The following CACNA1H variants were observed in gnomAD, a reference collection of about 807,000 sequenced individuals.
CACNA1H encodes the protein voltage-dependent T-type calcium channel subunit alpha-1H.
Under a neutral mutation model 192.5 loss-of-function variants are expected in CACNA1H, and 149 were observed. The observed-to-expected ratio is 0.77, with a 90% CI of 0.68 to 0.89. The LOEUF (loss-of-function observed/expected upper bound fraction) is 0.89, where lower values mean the gene tolerates loss of function less well. Among genes scored for constraint, CACNA1H ranks in the 40% least tolerant of loss-of-function variants. The pLI is 0.00. For synonymous variants in CACNA1H, 2,202 were observed against 1,475.2 expected (o/e 1.49, Z -11.29); for missense variants, 4,257 against 3,423.5 (o/e 1.24, Z -6.08).
At chr16:1,162,947 G>T (rs1030079342) in intron 2 of CACNA1H, among the ~76,000 whole-genome samples, 1 of 152,240 alleles carries the variant, frequency 6.6e-6, no homozygotes, top group South Asian at 2.1e-4. Context: ...ACGGGTGCCT[G>T]GCCCTGCGGC....
At chr16:1,197,435 T>C (rs1482502160) in intron 5 of CACNA1H, among the ~76,000 whole-genome samples, 2 of 152,236 alleles carry the variant, frequency 1.3e-5, no homozygotes, top group Non-Finnish European at 2.9e-5. Context: ...TCAGGTTAAA[T>C]TGCCAGAGTG....
intron 2 of CACNA1H, among the ~76,000 whole-genome samples, chr16:1,175,779 G>A (rs1205865371): frequency 6.6e-6 from 1 of 152,250 alleles, no homozygotes; most frequent in Non-Finnish European, 1.5e-5. Context: ...GGGCAGGTAG[G>A]TGGGCAGTGG....
intron 11 of CACNA1H, among the ~76,000 whole-genome samples, chr16:1,205,877 CA>C (rs573450852): frequency 1.3e-5 from 2 of 152,338 alleles, no homozygotes; most frequent in African/African-American, 4.8e-5. Flanking sequence ...GCTTCTTTCC[CA>C]GGGGGCACTG....
intron 2 of CACNA1H, among the ~76,000 whole-genome samples, chr16:1,161,058 G>A (rs895907535): frequency 6.6e-6 from 1 of 152,148 alleles, no homozygotes; most frequent in Admixed American, 6.5e-5. Flanking sequence ...AAGGTGTGTA[G>A]ACCTGACACA....
In CACNA1H at chr16:1,154,501, C is replaced by T. The variant is rs951800411; in HGVS notation, c.299+465C>T. 5.3e-5 allele frequency among the ~76,000 whole-genome samples: 8 copies of T among 152,090 alleles called. No homozygotes were observed. In the South Asian group the frequency reaches 1.2e-3, roughly 24 times the overall value. On this transcript the variant is annotated intron_variant, in intron 2 of 34. Coordinates refer to ENST00000348261, the MANE Select transcript of CACNA1H (RefSeq NM_021098.3). Reference sequence around the variant, plus strand: ...TCAGGGGCGCAAAGTTTTCAGCCGGCGCCTGGTGGTTCCGAGTGCGTGGGG... The same window carrying T: ...TCAGGGGCGCAAAGTTTTCAGCCGGTGCCTGGTGGTTCCGAGTGCGTGGGG...
chr16:1,191,817 G>T (rs548818358), intron 2 of CACNA1H, among the ~76,000 whole-genome samples: 43 of 90,608 alleles, frequency 4.7e-4, no homozygotes, highest in African/African-American at 2.0e-3. Flanking sequence ...TCGGGGTTTC[G>T]GTGACCCAGC....
intron 2 of CACNA1H, among the ~76,000 whole-genome samples, chr16:1,194,238 C>T (rs1012546022): frequency 1.3e-5 from 2 of 152,282 alleles, no homozygotes; most frequent in South Asian, 2.1e-4. Context: ...TCGGTTCCCA[C>T]GTGTTGGTGA....
intron 2 of CACNA1H, among the ~76,000 whole-genome samples, chr16:1,188,297 G>A (rs900988494): frequency 2.0e-5 from 3 of 152,162 alleles, no homozygotes; most frequent in African/African-American, 4.8e-5. Flanking sequence ...TTTGGGCCAC[G>A]CTGGTCCCAC....
chr16:1,160,816 T>C (rs903808330), intron 2 of CACNA1H, among the ~76,000 whole-genome samples: 1 of 152,036 alleles, frequency 6.6e-6, no homozygotes, highest in Non-Finnish European at 1.5e-5. Flanking sequence ...GATCCTTGGG[T>C]GGGTGTGGCC....
Position 1,210,595 on chromosome 16 carries a change from C to G in CACNA1H, c.3982C>G (p.Leu1328Val). 6.2e-7 allele frequency: 1 copy of G among 1,608,628 alleles called. No homozygotes were observed. The highest frequency in any genetic ancestry group is 1.3e-5 in the African/African-American group (1 of 75,042). The change falls in exon 20 of 35, where the codon CTC becomes GTC. Residue 1328 changes from leucine to valine, a missense_variant. Physicochemically the swap from Leu to Val is conservative, Grantham distance 32 (BLOSUM62 1). Coordinates refer to ENST00000348261, the MANE Select transcript of CACNA1H (RefSeq NM_021098.3). ...IDPGSTERVF[L>V]SVSNYIFTAI... is the part of the protein sequence containing the mutation. ...CCTCTCCCGGCAGGAGCGGGTCTTCCTCAGCGTCTCCAATTACATCTTCAC... is the reference window on the plus strand; with the variant it reads ...CCTCTCCCGGCAGGAGCGGGTCTTCGTCAGCGTCTCCAATTACATCTTCAC...
At chr16:1,181,106 G>A (rs923618465) in intron 2 of CACNA1H, among the ~76,000 whole-genome samples, 6 of 152,216 alleles carry the variant, frequency 3.9e-5, no homozygotes, top group East Asian at 1.9e-4. Context: ...ATTCCAGCTC[G>A]GAGCAGGCCC....
chr16:1,153,382 C>T lies in CACNA1H; in HGVS notation c.-107C>T, dbSNP rs866499193. 4 of 122,160 alleles carry T rather than the reference C, an allele frequency of 3.3e-5. No homozygotes were observed. Among genetic ancestry groups the T allele is most frequent in the Non-Finnish European group, 7.5e-5 (4 of 53,134 alleles). 7.6% of individuals were successfully genotyped at this position (122,160 alleles called of 1,614,324 possible). A position where few individuals can be genotyped will look rare whatever the true frequency, so the allele number is the denominator to read the frequency against. ...GGCCGGGGGCGGAGGCGCTGGGGGC[C>T]GGGGCCGGGGCCGGGCGCCGAGCGG... is the stretch of plus-strand genomic sequence containing the variant. On this transcript the variant is annotated 5_prime_UTR_variant, in exon 1 of 35. Transcript: ENST00000348261.
intron 2 of CACNA1H, among the ~76,000 whole-genome samples, chr16:1,190,074 C>T (rs1209010003): frequency 2.0e-5 from 3 of 152,180 alleles, no homozygotes; most frequent in East Asian, 3.9e-4. Context: ...GGTTGGGCCT[C>T]AGGGTCTGGT....
intron 11 of CACNA1H, among the ~76,000 whole-genome samples, chr16:1,205,516 A>G (rs1438072510): frequency 6.6e-6 from 1 of 152,168 alleles, no homozygotes; most frequent in Non-Finnish European, 1.5e-5. Flanking sequence ...GCTGCGTCTC[A>G]GATGTTTCTA....
At position 1,195,918 on chromosome 16, in the gene CACNA1H, G is replaced by GC; in HGVS notation, c.546-3dup. ...TGTTGAGCTGCTCCCCCTCGGCCCC[G>GC]CCCCCAGCATGATGGAGTACTCGTT... On this transcript the variant is annotated splice_polypyrimidine_tract_variant and splice_region_variant and intron_variant, in intron 4 of 34. Transcript: ENST00000348261. 1 of 1,608,470 alleles carries GC rather than the reference G, an allele frequency of 6.2e-7. No individual in the cohort carries two copies. The highest frequency in any genetic ancestry group is 8.5e-7 in the Non-Finnish European group (1 of 1,176,610).
rs1368813281 is a variant in CACNA1H, at chr16:1,210,031, A to G, written c.3745-4A>G. 2.6e-6 allele frequency: 4 copies of G among 1,548,390 alleles called. No individual in the cohort carries two copies. Among genetic ancestry groups the G allele is most frequent in the Admixed American group, 3.9e-5 (2 of 51,050 alleles). The stretch of plus-strand genomic sequence containing the variant: ...CTCTGAGAAGCCGCCGCCTCATCCC[A>G]CAGAGCTGCTGCCTCCGCCTGCATA... On this transcript the variant is annotated splice_region_variant and splice_polypyrimidine_tract_variant and intron_variant, in intron 17 of 34. Transcript: ENST00000348261.
chr16:1,201,632 A>G (rs1334990913), intron 8 of CACNA1H, 31 bp from the exon 9 acceptor site: 14 of 1,533,226 alleles, frequency 9.1e-6, no homozygotes, highest in Non-Finnish European at 1.2e-5. Flanking sequence ...TCGCTCACTC[A>G]CTGCCACTTA....
intron 2 of CACNA1H, among the ~76,000 whole-genome samples, chr16:1,164,599 C>A (rs567537459): frequency 6.6e-6 from 1 of 152,234 alleles, no homozygotes; most frequent in African/African-American, 2.4e-5. Context: ...GGACCCCGGG[C>A]GGTGCCGAGC....
At chr16:1,158,478 CGTA>C (rs919651471) in intron 2 of CACNA1H, among the ~76,000 whole-genome samples, 13 of 152,182 alleles carry the variant, frequency 8.5e-5, no homozygotes, top group African/African-American at 3.1e-4. Flanking sequence ...GAGCGCCTGT[CGTA>C]GTCATTCCCT....
Sources: gnomAD v4.1 joint callset for allele counts (sites outside exome capture counted in the v4.1 genomes callset) on GRCh38, gnomAD v4.1.1 for gene constraint, MANE v1.5 for transcripts, NCBI Gene and HGNC (gene_info 2026-07-23, HGNC 2026-07-21) for gene names.